Variants in SCHIP1 observed in about 807,000 individuals in gnomAD.
The protein encoded by SCHIP1 is schwannomin-interacting protein 1.
A neutral mutation model predicts 29.7 loss-of-function variants in SCHIP1; 8 were observed. That is an observed-to-expected ratio of 0.27 (90% CI 0.16 to 0.49). The LOEUF (loss-of-function observed/expected upper bound fraction) is 0.49. Among genes scored for constraint, SCHIP1 ranks in the 20% least tolerant of loss-of-function variants. The pLI, the probability that SCHIP1 is intolerant of heterozygous loss-of-function variation, is 0.99. For missense variants in SCHIP1, 193 were observed against 294.6 expected (o/e 0.66, Z 2.52); for synonymous variants, 76 against 94.9 (o/e 0.80, Z 1.16).
the SCHIP1 span, among the ~76,000 whole-genome samples, chr3:159,313,721 ATT>A: frequency 6.7e-6 from 1 of 149,664 alleles, no homozygotes; most frequent in African/African-American, 2.5e-5. Flanking sequence ...TTTCCCACTA[ATT>A]TTTTTTTTCT....
the SCHIP1 span, among the ~76,000 whole-genome samples, chr3:159,549,113 T>A: frequency 6.2e-3 from 940 of 152,288 alleles, 7 homozygotes; most frequent in African/African-American, 0.021. Context: ...CTTAGTTTAA[T>A]TCTTTTATCA....
chr3:159,387,420 C>T, the SCHIP1 span: 2 of 325,004 alleles, frequency 6.2e-6, no homozygotes, highest in East Asian at 1.0e-4. Flanking sequence ...GACTGGGAGC[C>T]ACTCACCTCT....
At chr3:159,613,100 C>A in the SCHIP1 span, among the ~76,000 whole-genome samples, 1 of 152,100 alleles carries the variant, frequency 6.6e-6, no homozygotes, top group Non-Finnish European at 1.5e-5. Flanking sequence ...ATATAAATGA[C>A]AGAGTTAAAG....
chr3:159,421,697 CTCTT>C, the SCHIP1 span, among the ~76,000 whole-genome samples: 1 of 152,166 alleles, frequency 6.6e-6, no homozygotes, highest in African/African-American at 2.4e-5. Flanking sequence ...ACAAAAGTGA[CTCTT>C]TCTATTGCTC....
the SCHIP1 span, among the ~76,000 whole-genome samples, chr3:159,700,365 G>T: frequency 1.3e-5 from 2 of 152,182 alleles, no homozygotes; most frequent in African/African-American, 4.8e-5. Flanking sequence ...AGGGGAGATA[G>T]ATTATAGAAT....
chr3:159,574,042 C>T, the SCHIP1 span, among the ~76,000 whole-genome samples: 358 of 152,230 alleles, frequency 2.4e-3, no homozygotes, highest in African/African-American at 8.2e-3. Flanking sequence ...AGCTGCCTTG[C>T]GATGGGTTTG....
the SCHIP1 span, chr3:159,274,555 T>TA: frequency 9.1e-5 from 72 of 792,844 alleles, no homozygotes; most frequent in Admixed American, 1.3e-4. Context: ...AAACCAGAAA[T>TA]AAAAAAAATG....
At chr3:159,340,185 C>A in the SCHIP1 span, among the ~76,000 whole-genome samples, 18 of 151,904 alleles carry the variant, frequency 1.2e-4, no homozygotes, top group Admixed American at 2.6e-4. Flanking sequence ...ATCTCATCTA[C>A]ATATGTATAT....
At chr3:159,859,968 T>G (rs1447842410) in intron 1 of SCHIP1, among the ~76,000 whole-genome samples, 6 of 135,674 alleles carry the variant, frequency 4.4e-5, no homozygotes, top group Non-Finnish European at 9.5e-5. Flanking sequence ...TAAAGAAATG[T>G]GTGACAGGGT....
At chr3:159,338,592 T>G in the SCHIP1 span, among the ~76,000 whole-genome samples, 3 of 152,134 alleles carry the variant, frequency 2.0e-5, no homozygotes, top group Non-Finnish European at 2.9e-5. Flanking sequence ...CTACTCTATC[T>G]TCTATGCAGT....
chr3:159,274,758 C>A, the SCHIP1 span: 1 of 812,202 alleles, frequency 1.2e-6, no homozygotes, highest in Non-Finnish European at 1.5e-6. Flanking sequence ...GTAACTTTAA[C>A]AAATCATGAT....
At chr3:159,841,082 C>G (rs887880118) in intron 1 of SCHIP1, among the ~76,000 whole-genome samples, 14 of 152,172 alleles carry the variant, frequency 9.2e-5, no homozygotes, top group African/African-American at 3.1e-4. Flanking sequence ...AGTTTAGAAT[C>G]TCTGAGAGAC....
the SCHIP1 span, among the ~76,000 whole-genome samples, chr3:159,545,102 C>T: frequency 6.6e-6 from 1 of 152,064 alleles, no homozygotes; most frequent in Non-Finnish European, 1.5e-5. Flanking sequence ...GATTGTTTTA[C>T]ATAGTGCCAG....
At chr3:159,636,845 A>G in the SCHIP1 span, among the ~76,000 whole-genome samples, 1 of 152,378 alleles carries the variant, frequency 6.6e-6, no homozygotes, top group Non-Finnish European at 1.5e-5. Flanking sequence ...AGATGATAGA[A>G]ATAGACCAAA....
the SCHIP1 span, among the ~76,000 whole-genome samples, chr3:159,675,404 TC>T: frequency 6.6e-6 from 1 of 152,226 alleles, no homozygotes; most frequent in African/African-American, 2.4e-5. Context: ...GTTGACACCA[TC>T]CCCAACTATG....
the SCHIP1 span, among the ~76,000 whole-genome samples, chr3:159,469,362 G>T: frequency 6.6e-6 from 1 of 152,090 alleles, no homozygotes. Context: ...TAAAACTAGG[G>T]CTTCATCCTA....
At chr3:159,475,149 A>T in the SCHIP1 span, among the ~76,000 whole-genome samples, 1 of 152,158 alleles carries the variant, frequency 6.6e-6, no homozygotes, top group African/African-American at 2.4e-5. Flanking sequence ...CAGCAGCATT[A>T]CTCATGGACA....
rs117257683 is a variant in SCHIP1, at chr3:159,878,087, A to G, written c.150-8120A>G. On this transcript the variant is annotated intron_variant, in intron 2 of 6. Transcript: ENST00000445224. ...ACATGGCTGAGTCAGACACACAGCCATCCTCTTCCAGCCATCAAACACTGA... is the reference window on the plus strand; with the variant it reads ...ACATGGCTGAGTCAGACACACAGCCGTCCTCTTCCAGCCATCAAACACTGA... Among the ~76,000 whole-genome samples, 358 of 152,346 alleles carry G rather than the reference A, an allele frequency of 2.3e-3. 5 individuals carry two copies. The East Asian group carries it at 0.053, about 23-fold the overall frequency.
the SCHIP1 span, among the ~76,000 whole-genome samples, chr3:159,795,769 C>G: frequency 6.6e-6 from 1 of 152,044 alleles, no homozygotes; most frequent in African/African-American, 2.4e-5. Flanking sequence ...GAGGGAACAA[C>G]GTGTGTAAAA....
Sources: gnomAD v4.1 joint callset for allele counts (sites outside exome capture counted in the v4.1 genomes callset) on GRCh38, gnomAD v4.1.1 for gene constraint, MANE v1.5 for transcripts, NCBI Gene and HGNC (gene_info 2026-07-23, HGNC 2026-07-21) for gene names.